TNR: variants seen among roughly 807,000 people sequenced by gnomAD.
TNR encodes tenascin-R.
Under a neutral mutation model 150.4 loss-of-function variants are expected in TNR, and 45 were observed. The observed-to-expected ratio is 0.30, with a 90% CI of 0.24 to 0.38. The LOEUF is 0.38. Among genes scored for constraint, TNR ranks in the 10% least tolerant of loss-of-function variants. The pLI is 1.00. For missense variants in TNR, 1,544 were observed against 1,759.1 expected, an observed-to-expected ratio of 0.88 and a Z score of 2.19; for synonymous variants, 687 against 678.4, an observed-to-expected ratio of 1.01 and a Z score of -0.20.
rs543232641 is a variant in TNR, at chr1:175,536,886, G to T, written c.-164-8517C>A. Among the ~76,000 whole-genome samples the T allele has an allele frequency of 2.0e-5, 3 of 152,290 alleles. No individual in the cohort carries two copies. In the East Asian group the frequency reaches 5.8e-4, roughly 29 times the overall value. ...CCAATTCATGTTTGGGCCCCATATT[G>T]GGAATGTCCTTCTTGGCCAAGTGGG... On this transcript the variant is annotated intron_variant, in intron 1 of 22. Transcript: ENST00000367674.
In TNR at chr1:175,331,077, C is replaced by CTTG. The variant is rs61033216; in HGVS notation, c.3632-843_3632-842insCAA. On this transcript the variant is annotated intron_variant, in intron 20 of 22. Coordinates refer to ENST00000367674, the MANE Select transcript of TNR (RefSeq NM_003285.3). The stretch of plus-strand genomic sequence containing the variant: ...TCTTTCTTTCTTTCTTTCTTTCTTT[C>CTTG]CTTCTTTCTTTCTTTCTTTCTTTCT... Among the ~76,000 whole-genome samples, 12 of 94,188 alleles carry CTTG rather than the reference C, an allele frequency of 1.3e-4. 1 individual carries two copies. Among genetic ancestry groups the CTTG allele is most frequent in the African/African-American group, 4.1e-4 (11 of 26,730 alleles). The allele number at this position is 94,188 out of a possible 152,430, so 61.8% of individuals were successfully genotyped here.
intron 1 of TNR, among the ~76,000 whole-genome samples, chr1:175,708,986 C>T (rs774264305): frequency 1.3e-4 from 20 of 150,220 alleles, no homozygotes; most frequent in East Asian, 1.2e-3. Context: ...CCCCACGTGG[C>T]GAGCATGTTA....
intron 14 of TNR, among the ~76,000 whole-genome samples, chr1:175,361,815 G>A (rs907143850): frequency 7.2e-5 from 11 of 152,218 alleles, no homozygotes; most frequent in Non-Finnish European, 1.3e-4. Flanking sequence ...GTGCCTGCTA[G>A]TGAGTTCTGC....
intron 2 of TNR, among the ~76,000 whole-genome samples, chr1:175,455,348 C>A (rs769222205): frequency 2.9e-4 from 44 of 152,204 alleles, no homozygotes; most frequent in Non-Finnish European, 4.0e-4. Flanking sequence ...AGAACAAGGC[C>A]GATACAATAT....
At chr1:175,653,283 G>A (rs766952834) in intron 1 of TNR, among the ~76,000 whole-genome samples, 3 of 152,230 alleles carry the variant, frequency 2.0e-5, no homozygotes, top group Admixed American at 6.5e-5. Context: ...TGATTAAAAC[G>A]TAGCCAACGC....
chr1:175,667,127 G>C (rs1038523019), intron 1 of TNR, among the ~76,000 whole-genome samples: 1 of 151,996 alleles, frequency 6.6e-6, no homozygotes, highest in African/African-American at 2.4e-5. Context: ...TTGAAAACCT[G>C]CTCTTCCTTC....
chr1:175,365,613 TG>T (rs1365950629), intron 11 of TNR, among the ~76,000 whole-genome samples: 1 of 152,200 alleles, frequency 6.6e-6, no homozygotes, highest in African/African-American at 2.4e-5. Context: ...CAGGGAAAGA[TG>T]GACAGAATCA....
chr1:175,730,921 A>C (rs7539180), intron 1 of TNR, among the ~76,000 whole-genome samples: 44,038 of 152,022 alleles, frequency 0.29, 6,560 homozygotes, highest in African/African-American at 0.36. Context: ...TTTGCAGTGG[A>C]CATGCTGGGT....
At position 175,649,061 on chromosome 1, in the gene TNR, G is replaced by A. The variant is rs137937263; in HGVS notation, c.-165+94165C>T. On this transcript the variant is annotated intron_variant, in intron 1 of 22. Coordinates refer to ENST00000367674, the MANE Select transcript of TNR (RefSeq NM_003285.3). ...CATAGCCGGAGGGATTGCAAAGCCAGGAGAGGCCATGCCCCTCCCTGCTTG... is the reference window on the plus strand; with the variant it reads ...CATAGCCGGAGGGATTGCAAAGCCAAGAGAGGCCATGCCCCTCCCTGCTTG... 3.2e-3 allele frequency among the ~76,000 whole-genome samples: 488 copies of A among 152,310 alleles called. 3 individuals are homozygous for A. Among genetic ancestry groups the A allele is most frequent in the Non-Finnish European group, 3.6e-3 (247 of 68,034 alleles).
intron 9 of TNR, among the ~76,000 whole-genome samples, chr1:175,377,533 G>A (rs1652466179): frequency 6.7e-6 from 1 of 148,924 alleles, no homozygotes; most frequent in Non-Finnish European, 1.5e-5. Flanking sequence ...CCCTATGCCA[G>A]CTGGTCTATC....
chr1:175,387,170 G>A (rs1658398145), intron 7 of TNR, among the ~76,000 whole-genome samples: 1 of 152,208 alleles, frequency 6.6e-6, no homozygotes, highest in African/African-American at 2.4e-5. Flanking sequence ...ATGGGGAGGT[G>A]AGGGAATGTA....
At chr1:175,636,105 C>T (rs1223564675) in intron 1 of TNR, among the ~76,000 whole-genome samples, 2 of 152,126 alleles carry the variant, frequency 1.3e-5, no homozygotes. Flanking sequence ...TATGTTATTT[C>T]CCAGATGTGA....
chr1:175,420,153 C>G (rs574731436), intron 2 of TNR, among the ~76,000 whole-genome samples: 6 of 152,334 alleles, frequency 3.9e-5, no homozygotes, highest in East Asian at 1.9e-4. Context: ...ACCCACATCT[C>G]TCACCTCTTT....
intron 2 of TNR, among the ~76,000 whole-genome samples, chr1:175,479,588 C>A (rs950067669): frequency 2.6e-5 from 4 of 152,180 alleles, no homozygotes; most frequent in African/African-American, 9.7e-5. Context: ...CCTAGGTCTC[C>A]TGGCTGAACG....
intron 2 of TNR, among the ~76,000 whole-genome samples, chr1:175,519,508 T>G (rs1659549486): frequency 1.3e-5 from 2 of 152,206 alleles, no homozygotes; most frequent in Admixed American, 1.3e-4. Context: ...TTGATCACTA[T>G]CAAAACCTCA....
Position 175,647,844 on chromosome 1 carries a change from T to C in TNR, c.-165+95382A>G, listed in dbSNP as rs79213737. ...CCATCAGTTTCTTCTTTCAATTAATTGGCATGGTTTCTTCTCCAAAGCAGA... is the reference window on the plus strand; with the variant it reads ...CCATCAGTTTCTTCTTTCAATTAATCGGCATGGTTTCTTCTCCAAAGCAGA... On this transcript the variant is annotated intron_variant, in intron 1 of 22. Transcript: ENST00000367674. Among the ~76,000 whole-genome samples, 937 of 152,228 alleles carry C rather than the reference T, an allele frequency of 6.2e-3. 51 individuals are homozygous for C. In the East Asian group the frequency reaches 0.14, roughly 22 times the overall value.
At chr1:175,730,752 AC>A (rs1207539063) in intron 1 of TNR, among the ~76,000 whole-genome samples, 1 of 152,200 alleles carries the variant, frequency 6.6e-6, no homozygotes, top group African/African-American at 2.4e-5. Flanking sequence ...AATGTGATAA[AC>A]AAAAATAAAG....
intron 1 of TNR, among the ~76,000 whole-genome samples, chr1:175,622,138 A>G (rs1663997532): frequency 1.3e-5 from 2 of 152,254 alleles, no homozygotes; most frequent in Admixed American, 6.5e-5. Flanking sequence ...TGTATCTTAC[A>G]TATTGAATGT....
intron 1 of TNR, among the ~76,000 whole-genome samples, chr1:175,584,434 T>C (rs1271153417): frequency 6.6e-6 from 1 of 152,214 alleles, no homozygotes; most frequent in African/African-American, 2.4e-5. Context: ...GACACCCTGA[T>C]TCTGGACTTG....
Sources: gnomAD v4.1 joint callset for allele counts (sites outside exome capture counted in the v4.1 genomes callset) on GRCh38, gnomAD v4.1.1 for gene constraint, MANE v1.5 for transcripts, NCBI Gene and HGNC (gene_info 2026-07-23, HGNC 2026-07-21) for gene names.